PTGIS: variants seen among roughly 807,000 people sequenced by gnomAD.
PTGIS encodes prostacyclin synthase.
PTGIS carries 45 observed loss-of-function variants against 50.3 expected under a neutral mutation model. The observed-to-expected ratio is 0.90, with a 90% confidence interval of 0.70 to 1.15. PTGIS has a LOEUF of 1.15. PTGIS is among the 50% of genes most tolerant of loss of function. The pLI is 0.00. For missense variants in PTGIS, 668 were observed against 661.3 expected, an observed-to-expected ratio of 1.01 and a Z score of -0.11; for synonymous variants, 260 against 267.7, an observed-to-expected ratio of 0.97 and a Z score of 0.28.
At chr20:49,524,336 G>C (rs999220606) in intron 5 of PTGIS, 97 bp from the exon 6 acceptor site, 112 of 1,376,282 alleles carry the variant, frequency 8.1e-5, no homozygotes, top group Non-Finnish European at 1.0e-4. Context: ...AGGGTCTTCT[G>C]AATGTCACTC....
intron 8 of PTGIS, 67 bp from the exon 9 acceptor site, chr20:49,511,246 T>C: frequency 6.3e-7 from 1 of 1,580,542 alleles, no homozygotes; most frequent in Non-Finnish European, 8.7e-7. Flanking sequence ...GAAAAATGTA[T>C]GAGGATGTTC....
rs987723553 is a variant in PTGIS at position 49,507,472 on chromosome 20, T to C, written c.*448A>G. On this transcript the variant is annotated 3_prime_UTR_variant, in exon 10 of 10. Transcript: ENST00000244043. ...GGGACTGACTGCTGAATGACATCAA[T>C]GGACACAAAGGACATCCTGAGTGGC... The C allele has an allele frequency of 7.1e-6, 2 of 283,244 alleles. No homozygotes were observed. The highest frequency in any genetic ancestry group is 1.4e-5 in the Non-Finnish European group (2 of 145,584). The allele number at this position is 283,244 out of a possible 1,614,324, so 17.5% of individuals were successfully genotyped here.
chr20:49,566,112 C>T (rs1982890676), intron 1 of PTGIS, among the ~76,000 whole-genome samples: 2 of 152,300 alleles, frequency 1.3e-5, no homozygotes, highest in South Asian at 4.1e-4. Flanking sequence ...TGCCTGTAAT[C>T]CCAGCTACTG....
chr20:49,527,078 G>A (rs1187485403), intron 5 of PTGIS, among the ~76,000 whole-genome samples: 3 of 152,042 alleles, frequency 2.0e-5, no homozygotes, highest in Admixed American at 6.6e-5. Context: ...CCCAAATGTC[G>A]GTTGATAGGT....
At chr20:49,536,631 C>T (rs1240462667) in intron 5 of PTGIS, among the ~76,000 whole-genome samples, 2 of 151,878 alleles carry the variant, frequency 1.3e-5, no homozygotes, top group East Asian at 3.9e-4. Context: ...CAGGCGCCCA[C>T]CACCACGCCC....
Position 49,544,311 on chromosome 20 carries a change from A to G in PTGIS, c.515T>C (p.Leu172Pro), listed in dbSNP as rs1982302221. 1.9e-6 allele frequency: 3 copies of G among 1,614,160 alleles called. No individual in the cohort carries two copies. The African/African-American group carries it at 4.0e-5, about 22-fold the overall frequency. ...MGLLDFSYSFLLRAGYLTLYG... is the reference protein window; with the variant it reads ...MGLLDFSYSFPLRAGYLTLYG... ...GGGGGCTGCACAGCCTCACCTGAGC[A>G]GGAAGCTGTAGGAGAAGTCGAGGAG... The change falls in exon 4 of 10, where the codon CTG (leucine) becomes CCG (proline). Residue 172 changes from leucine to proline, a missense_variant. By Grantham distance (98) the Leu-to-Pro change is moderately conservative. Coordinates refer to ENST00000244043, the MANE Select transcript of PTGIS (RefSeq NM_000961.4).
At chr20:49,563,456 T>C (rs963455) in intron 1 of PTGIS, among the ~76,000 whole-genome samples, 47,104 of 152,124 alleles carry the variant, frequency 0.31, 7,580 homozygotes, top group Middle Eastern at 0.4. Context: ...GCAGAGGAAG[T>C]ACAGTGGTAA....
At chr20:49,512,972 C>T in intron 8 of PTGIS, 108 bp downstream of exon 8, 3 of 1,371,444 alleles carry the variant, frequency 2.2e-6, no homozygotes, top group Non-Finnish European at 3.1e-6. Flanking sequence ...GGCAATGTCA[C>T]ATAGCAAACA....
chr20:49,525,729 C>T (rs1981778147), intron 5 of PTGIS, among the ~76,000 whole-genome samples: 1 of 151,994 alleles, frequency 6.6e-6, no homozygotes, highest in African/African-American at 2.4e-5. Context: ...TCTCCGAAAT[C>T]ACCCCTTGGA....
At chr20:49,552,323 T>G (rs1568684326) in intron 1 of PTGIS, among the ~76,000 whole-genome samples, 1 of 152,128 alleles carries the variant, frequency 6.6e-6, no homozygotes, top group Non-Finnish European at 1.5e-5. Flanking sequence ...AGACCCAGGA[T>G]TCAGTGTGGA....
At chr20:49,524,443 C>A in intron 5 of PTGIS, among the ~76,000 whole-genome samples, 1 of 152,076 alleles carries the variant, frequency 6.6e-6, no homozygotes. Flanking sequence ...TGTCTTACCC[C>A]CAGTAAAAAG....
intron 3 of PTGIS, among the ~76,000 whole-genome samples, chr20:49,544,711 A>C (rs751463360): frequency 2.0e-5 from 3 of 152,252 alleles, no homozygotes; most frequent in African/African-American, 4.8e-5. Context: ...CCCATTTTAC[A>C]GATGGAGAAA....
At chr20:49,508,553 C>T (rs1040536157) in intron 9 of PTGIS, among the ~76,000 whole-genome samples, 10 of 152,118 alleles carry the variant, frequency 6.6e-5, no homozygotes, top group East Asian at 3.9e-4. Flanking sequence ...CTGATTAATA[C>T]GGCGACTCCT....
At chr20:49,539,539 C>G (rs573070509) in intron 5 of PTGIS, 31 bp downstream of exon 5, 1 of 1,608,652 alleles carries the variant, frequency 6.2e-7, no homozygotes. Flanking sequence ...CCATCCTCCC[C>G]CCCACCCACT....
chr20:49,508,793 CTA>C (rs1240727628), intron 9 of PTGIS, among the ~76,000 whole-genome samples: 2 of 152,218 alleles, frequency 1.3e-5, no homozygotes, highest in Non-Finnish European at 2.9e-5. Flanking sequence ...GTCATAATAA[CTA>C]TTCGCAGCTG....
intron 1 of PTGIS, among the ~76,000 whole-genome samples, chr20:49,559,663 TAAAAAC>T (rs969280103): frequency 4.7e-4 from 72 of 152,150 alleles, no homozygotes; most frequent in Admixed American, 3.9e-3. Context: ...GGGTGAACCT[TAAAAAC>T]ATTAAGCCCA....
At chr20:49,532,863 T>C (rs1986065284) in intron 5 of PTGIS, among the ~76,000 whole-genome samples, 1 of 152,128 alleles carries the variant, frequency 6.6e-6, no homozygotes, top group Non-Finnish European at 1.5e-5. Context: ...GTCAGGAGGA[T>C]TCAGAAAGAT....
intron 5 of PTGIS, among the ~76,000 whole-genome samples, chr20:49,537,324 A>C (rs1463758988): frequency 6.6e-6 from 1 of 152,206 alleles, no homozygotes; most frequent in Admixed American, 6.5e-5. Flanking sequence ...CTCTACCAAC[A>C]CTAAGTACGC....
At chr20:49,536,344 T>G (rs1982066779) in intron 5 of PTGIS, among the ~76,000 whole-genome samples, 1 of 152,174 alleles carries the variant, frequency 6.6e-6, no homozygotes, top group South Asian at 2.1e-4. Context: ...TAAAAATATA[T>G]AAGCAAAAGG....
Sources: gnomAD v4.1 joint callset for allele counts (sites outside exome capture counted in the v4.1 genomes callset) on GRCh38, gnomAD v4.1.1 for gene constraint, MANE v1.5 for transcripts, NCBI Gene and HGNC (gene_info 2026-07-23, HGNC 2026-07-21) for gene names.